Variants in EIPR1 observed in about 807,000 individuals in gnomAD.
EIPR1 encodes EARP complex and GARP complex interacting protein 1.
Under a neutral mutation model 48.1 loss-of-function variants are expected in EIPR1, and 25 were observed. The observed-to-expected ratio is 0.52, with a 90% CI of 0.38 to 0.73. The LOEUF is 0.73. Among genes scored for constraint, EIPR1 ranks in the 30% least tolerant of loss-of-function variants. The pLI is 0.00. For missense variants in EIPR1, 415 were observed against 506.2 expected (o/e 0.82, Z 1.73); for synonymous variants, 204 against 201.9 (o/e 1.01, Z -0.09).
chr2:3,266,607 C>T (rs1317274799), intron 3 of EIPR1, among the ~76,000 whole-genome samples: 1 of 152,188 alleles, frequency 6.6e-6, no homozygotes, highest in African/African-American at 2.4e-5. Context: ...GCGCCTCTGA[C>T]AAGCTCTGCT....
chr2:3,229,708 C>T (rs1454260149), intron 4 of EIPR1, among the ~76,000 whole-genome samples: 2 of 152,208 alleles, frequency 1.3e-5, no homozygotes, highest in Admixed American at 1.3e-4. Flanking sequence ...TCTTTCAATA[C>T]ACAATTAGGA....
intron 3 of EIPR1, among the ~76,000 whole-genome samples, chr2:3,260,861 A>G (rs2103225549): frequency 6.6e-6 from 1 of 152,382 alleles, no homozygotes; most frequent in Non-Finnish European, 1.5e-5. Context: ...TCATTTAAAA[A>G]AGACCAACAA....
intron 3 of EIPR1, among the ~76,000 whole-genome samples, chr2:3,260,267 C>A (rs569672247): frequency 3.3e-5 from 5 of 152,134 alleles, no homozygotes; most frequent in African/African-American, 1.2e-4. Context: ...CCAAGGCAGG[C>A]GGATCATGAG....
intron 2 of EIPR1, among the ~76,000 whole-genome samples, chr2:3,352,991 T>C (rs1670624531): frequency 6.6e-6 from 1 of 152,220 alleles, no homozygotes; most frequent in African/African-American, 2.4e-5. Flanking sequence ...AGTGAAACTC[T>C]GTCTCAAAAA....
At chr2:3,317,551 G>C (rs1216237205) in intron 3 of EIPR1, among the ~76,000 whole-genome samples, 7 of 152,244 alleles carry the variant, frequency 4.6e-5, no homozygotes, top group Non-Finnish European at 1.5e-5. Context: ...CGCAGCAGCT[G>C]TGAGGGTCGA....
intron 3 of EIPR1, among the ~76,000 whole-genome samples, chr2:3,277,830 G>A (rs1445268425): frequency 6.6e-6 from 1 of 152,218 alleles, no homozygotes; most frequent in Non-Finnish European, 1.5e-5. Flanking sequence ...AGGCTGAGGT[G>A]AGCATGGAAA....
rs567281237 is a variant in EIPR1 at position 3,312,809 on chromosome 2, C to G, written c.259+25208G>C. On this transcript the variant is annotated intron_variant, in intron 3 of 8. Coordinates refer to ENST00000382125, the MANE Select transcript of EIPR1 (RefSeq NM_003310.5). The surrounding 1 kb of genome is among the most constrained non-coding windows in gnomAD (Gnocchi z 5.5). The stretch of plus-strand genomic sequence containing the variant: ...CATGAGCACGTCATGGCCTGACCAC[C>G]GCTGTGGGCCTCATTCTGGAATGGA... Among the ~76,000 whole-genome samples, 1 of 152,148 alleles carries G rather than the reference C, an allele frequency of 6.6e-6. No individual in the cohort carries two copies. The highest frequency in any genetic ancestry group is 1.9e-4 in the East Asian group (1 of 5,188).
At chr2:3,194,453 G>C in intron 6 of EIPR1, 1 of 255,980 alleles carries the variant, frequency 3.9e-6, no homozygotes, top group Non-Finnish European at 7.6e-6. Flanking sequence ...ATGTGACTTG[G>C]TATCATCTTG....
chr2:3,194,599 T>C (rs1018710156), intron 6 of EIPR1, among the ~76,000 whole-genome samples: 6 of 151,990 alleles, frequency 3.9e-5, no homozygotes, highest in African/African-American at 1.2e-4. Flanking sequence ...AGGTAGAATA[T>C]AGTGTTGGGA....
intron 5 of EIPR1, among the ~76,000 whole-genome samples, chr2:3,202,065 GTAGCTGGGAC>G (rs779413614): frequency 8.8e-4 from 134 of 152,206 alleles, no homozygotes; most frequent in Non-Finnish European, 1.5e-3. Context: ...AGCCTCCCGA[GTAGCTGGGAC>G]TACAGGCGCC....
At chr2:3,269,616 A>T (rs1558263746) in intron 3 of EIPR1, among the ~76,000 whole-genome samples, 2 of 115,028 alleles carry the variant, frequency 1.7e-5, no homozygotes, top group African/African-American at 6.7e-5. Context: ...CTCAATCATC[A>T]CAATCATCGC....
intron 3 of EIPR1, among the ~76,000 whole-genome samples, chr2:3,265,711 T>C (rs2694076): frequency 0.68 from 104,139 of 152,102 alleles, 36,019 homozygotes; most frequent in East Asian, 0.81. Flanking sequence ...CCACAGAAAC[T>C]GTGTCTGTGC....
At chr2:3,325,164 C>G (rs1010827890) in intron 3 of EIPR1, among the ~76,000 whole-genome samples, 2 of 152,226 alleles carry the variant, frequency 1.3e-5, no homozygotes, top group Non-Finnish European at 2.9e-5. Flanking sequence ...GAAGGCCAAG[C>G]TCTGGGCTCC....
chr2:3,227,654 CT>C (rs1666107324), intron 4 of EIPR1, among the ~76,000 whole-genome samples: 1 of 152,218 alleles, frequency 6.6e-6, no homozygotes, highest in Non-Finnish European at 1.5e-5. Flanking sequence ...TGTCAGAGAC[CT>C]TCATGGAAGC....
At chr2:3,237,960 G>A (rs984591711) in intron 4 of EIPR1, among the ~76,000 whole-genome samples, 3 of 152,036 alleles carry the variant, frequency 2.0e-5, no homozygotes, top group African/African-American at 7.3e-5. Context: ...AAATCCAAGG[G>A]GTGAAGGACA....
At chr2:3,355,093 T>C (rs1305150785) in intron 1 of EIPR1, among the ~76,000 whole-genome samples, 1 of 152,104 alleles carries the variant, frequency 6.6e-6, no homozygotes, top group African/African-American at 2.4e-5. Flanking sequence ...CTCAGATAAC[T>C]ACCAAGGCAA....
chr2:3,236,518 T>C (rs1445993440), intron 4 of EIPR1, among the ~76,000 whole-genome samples: 1 of 152,156 alleles, frequency 6.6e-6, no homozygotes, highest in East Asian at 1.9e-4. Context: ...GAAAGGTGAC[T>C]ACAGGGCCAG....
intron 1 of EIPR1, among the ~76,000 whole-genome samples, chr2:3,361,719 C>T (rs535869566): frequency 7.9e-5 from 12 of 151,928 alleles, no homozygotes; most frequent in Non-Finnish European, 7.4e-5. Flanking sequence ...CTCCCTCACA[C>T]GGGCACCTCC....
At position 3,303,035 on chromosome 2, in the gene EIPR1, A is replaced by G. The variant is rs538600345; in HGVS notation, c.259+34982T>C. Among the ~76,000 whole-genome samples, 117 of 152,336 alleles carry G rather than the reference A, an allele frequency of 7.7e-4. 1 individual carries two copies. Among genetic ancestry groups the G allele is most frequent in the African/African-American group, 2.7e-3 (113 of 41,576 alleles). On this transcript the variant is annotated intron_variant, in intron 3 of 8. Transcript: ENST00000382125. Reference sequence around the variant, plus strand: ...TGGAGATTAAATATGAAGACCGCTGAAAAGTGACAGTGGCGCTGGCTCACA... The same window carrying G: ...TGGAGATTAAATATGAAGACCGCTGGAAAGTGACAGTGGCGCTGGCTCACA...
Sources: gnomAD v4.1 joint callset for allele counts (sites outside exome capture counted in the v4.1 genomes callset) on GRCh38, gnomAD v4.1.1 for gene constraint, Gnocchi (gnomAD v3.1) non-coding constraint, MANE v1.5 for transcripts, NCBI Gene and HGNC (gene_info 2026-07-23, HGNC 2026-07-21) for gene names.